The following GRIA4 variants were observed in gnomAD, a reference collection of about 807,000 sequenced individuals.
GRIA4 encodes glutamate ionotropic receptor AMPA type subunit 4.
In GRIA4, 34 loss-of-function variants were observed where a neutral mutation model predicts 104.0. The observed-to-expected ratio is 0.33, with a 90% confidence interval of 0.25 to 0.44. GRIA4 has a LOEUF of 0.44. Among genes scored for constraint, GRIA4 ranks in the 20% least tolerant of loss-of-function variants. The pLI is 1.00. For synonymous variants in GRIA4, 386 were observed against 381.9 expected (o/e 1.01, Z -0.13); for missense variants, 750 against 1,096.5 (o/e 0.68, Z 4.46).
chr11:105,796,134 C>G (rs1346491932), intron 4 of GRIA4, among the ~76,000 whole-genome samples: 1 of 152,110 alleles, frequency 6.6e-6, no homozygotes, highest in Non-Finnish European at 1.5e-5. Context: ...GCCAAACCCT[C>G]TCTTTTCTGT....
chr11:105,918,712 G>T lies in GRIA4; in HGVS notation c.1270G>T (p.Glu424Ter). ...TACAGTTCTACTTCTCTCATTATAG[G>T]AATCCCCATATGTTATGTACAAGAA... ...NRTVVVTTIM[E>*]SPYVMYKKNH... Residue 424 changes from glutamate to a stop codon, truncating the protein, a stop_gained and splice_region_variant, in exon 11 of 17, where the codon GAA (glutamate) becomes TAA (stop). Transcript: ENST00000282499. LOFTEE classifies it high-confidence loss of function. 1 of 1,397,166 alleles carries T rather than the reference G, an allele frequency of 7.2e-7. No individual in the cohort carries two copies. Among genetic ancestry groups the T allele is most frequent in the South Asian group, 1.2e-5 (1 of 86,404 alleles). The allele number at this position is 1,397,166 out of a possible 1,614,324, so 86.5% of individuals were successfully genotyped here.
chr11:105,878,381 A>G (rs1945915004), intron 5 of GRIA4, among the ~76,000 whole-genome samples: 1 of 152,136 alleles, frequency 6.6e-6, no homozygotes, highest in Non-Finnish European at 1.5e-5. Context: ...CCCAGTCAGG[A>G]GGCACAGGGG....
intron 3 of GRIA4, among the ~76,000 whole-genome samples, chr11:105,721,156 G>A (rs1418410360): frequency 2.6e-5 from 4 of 152,018 alleles, no homozygotes; most frequent in East Asian, 1.9e-4. Flanking sequence ...TAATATCTAC[G>A]CAATCTCTTT....
intron 7 of GRIA4, among the ~76,000 whole-genome samples, chr11:105,899,721 T>A (rs983804180): frequency 1.3e-5 from 2 of 152,228 alleles, no homozygotes; most frequent in African/African-American, 4.8e-5. Flanking sequence ...GGTTACAAAC[T>A]TTTTGTCAAC....
chr11:105,885,061 C>A (rs928633202), intron 5 of GRIA4, among the ~76,000 whole-genome samples: 1 of 152,120 alleles, frequency 6.6e-6, no homozygotes, highest in African/African-American at 2.4e-5. Flanking sequence ...AGATAAATAA[C>A]GGATTGCTGA....
intron 4 of GRIA4, among the ~76,000 whole-genome samples, chr11:105,762,338 A>G (rs562857355): frequency 1.3e-5 from 2 of 152,286 alleles, no homozygotes; most frequent in Admixed American, 6.5e-5. Flanking sequence ...AAGTCTTAAT[A>G]GTTAAACTAT....
chr11:105,625,278 T>C (rs149093129), intron 3 of GRIA4, among the ~76,000 whole-genome samples: 81 of 152,222 alleles, frequency 5.3e-4, no homozygotes, highest in African/African-American at 1.9e-3. Flanking sequence ...TCTGTACTCA[T>C]ATGTTTGCAG....
intron 3 of GRIA4, 92 bp from the exon 4 acceptor site, chr11:105,752,889 T>C: frequency 8.4e-7 from 1 of 1,193,958 alleles, no homozygotes; most frequent in Non-Finnish European, 1.2e-6. Context: ...GATTCAGTGA[T>C]TTTTATTTTT....
intron 9 of GRIA4, among the ~76,000 whole-genome samples, chr11:105,908,998 T>C (rs1947139430): frequency 6.6e-6 from 1 of 152,194 alleles, no homozygotes. Flanking sequence ...ATATACTTGT[T>C]TTAAATTAAA....
At chr11:105,791,552 A>C (rs1259717223) in intron 4 of GRIA4, among the ~76,000 whole-genome samples, 1 of 152,114 alleles carries the variant, frequency 6.6e-6, no homozygotes, top group Non-Finnish European at 1.5e-5. Flanking sequence ...TGTTTCTCTT[A>C]CCAGTTTCTA....
intron 3 of GRIA4, among the ~76,000 whole-genome samples, chr11:105,719,270 C>G (rs1233515203): frequency 1.3e-5 from 2 of 152,056 alleles, no homozygotes; most frequent in African/African-American, 2.4e-5. Context: ...GTTTGCTGGA[C>G]AGAATTGTGA....
rs150424222 is a variant in GRIA4, at chr11:105,798,616, G to A, written c.487+45396G>A. Among the ~76,000 whole-genome samples, 52 of 152,234 alleles carry A rather than the reference G, an allele frequency of 3.4e-4. 2 individuals carry two copies. The East Asian group carries it at 9.1e-3, about 27-fold the overall frequency. On this transcript the variant is annotated intron_variant, in intron 4 of 16. Transcript: ENST00000282499. ...GGGTGTGGACAGAGACACAGAGGCC[G>A]ATTAGGAGACTGTGGCAATAATCTA... is the stretch of plus-strand genomic sequence containing the variant.
chr11:105,905,145 T>C, intron 8 of GRIA4, 52 bp from the exon 9 acceptor site: 1 of 970,970 alleles, frequency 1.0e-6, no homozygotes, highest in Non-Finnish European at 1.7e-6. Context: ...GAAGTTAAAA[T>C]TCCTATAAGT....
intron 3 of GRIA4, among the ~76,000 whole-genome samples, chr11:105,644,355 C>A (rs140010962): frequency 6.6e-6 from 1 of 151,266 alleles, no homozygotes; most frequent in Non-Finnish European, 1.5e-5. Context: ...CACTTTGGGA[C>A]GCCAAGGTGG....
chr11:105,976,981 G>A (rs889338975), intron 16 of GRIA4, among the ~76,000 whole-genome samples: 2 of 151,918 alleles, frequency 1.3e-5, no homozygotes, highest in Non-Finnish European at 2.9e-5. Context: ...TAAAATAGGA[G>A]GGTGTATTTG....
chr11:105,949,321 C>T (rs1408252122), intron 14 of GRIA4, among the ~76,000 whole-genome samples: 2 of 152,274 alleles, frequency 1.3e-5, no homozygotes, highest in South Asian at 2.1e-4. Flanking sequence ...GATTCCCTTT[C>T]GTTTGCCCAG....
chr11:105,932,064 T>G (rs1391046162), intron 13 of GRIA4, among the ~76,000 whole-genome samples: 1 of 151,948 alleles, frequency 6.6e-6, no homozygotes, highest in African/African-American at 2.4e-5. Flanking sequence ...TTTTTTTGGA[T>G]TCAGATACAA....
intron 3 of GRIA4, among the ~76,000 whole-genome samples, chr11:105,662,145 T>A (rs952369297): frequency 1.3e-5 from 2 of 151,870 alleles, no homozygotes; most frequent in African/African-American, 2.4e-5. Flanking sequence ...AGTCATAACG[T>A]AATCATTGTT....
intron 12 of GRIA4, among the ~76,000 whole-genome samples, chr11:105,925,628 A>G (rs187872516): frequency 7.2e-5 from 11 of 152,256 alleles, no homozygotes; most frequent in Non-Finnish European, 1.2e-4. Flanking sequence ...AAAATTATAA[A>G]TATGTTTAAA....
Sources: allele counts gnomAD v4.1 joint callset (sites outside exome capture counted in the v4.1 genomes callset), GRCh38; gene constraint gnomAD v4.1.1; transcripts MANE v1.5; gene names NCBI Gene and HGNC (gene_info 2026-07-23, HGNC 2026-07-21).